RABGAP1: variants seen among roughly 807,000 people sequenced by gnomAD.
RABGAP1 encodes the protein RAB GTPase activating protein 1.
RABGAP1 carries 23 observed loss-of-function variants against 137.6 expected under a neutral mutation model. That is an observed-to-expected ratio of 0.17 (90% CI 0.12 to 0.24). RABGAP1 has a LOEUF of 0.24. Among genes scored for constraint, RABGAP1 ranks in the 10% least tolerant of loss-of-function variants. The probability of loss-of-function intolerance (pLI) is 1.00; values close to 1 mark genes in which losing one functional copy is unlikely to be tolerated. For missense variants in RABGAP1, 906 were observed against 1,275.8 expected (o/e 0.71, Z 4.42); for synonymous variants, 451 against 450.7 (o/e 1.00, Z -0.01).
At chr9:123,061,604 C>T (rs2033975391) in intron 13 of RABGAP1, among the ~76,000 whole-genome samples, 1 of 152,178 alleles carries the variant, frequency 6.6e-6, no homozygotes, top group Non-Finnish European at 1.5e-5. Context: ...AATCCTATTG[C>T]ATTTTTGTTT....
In RABGAP1 at chr9:122,961,277, T is replaced by A. The variant is rs537599354; in HGVS notation, c.150+4068T>A. On this transcript the variant is annotated intron_variant, in intron 2 of 25. Coordinates refer to ENST00000373647, the MANE Select transcript of RABGAP1 (RefSeq NM_012197.4). ...AAAATCTTGAGAGAGCAGCAAGAGA[T>A]AACTGACTCATCAACTTACAAGGGA... Among the ~76,000 whole-genome samples the A allele has an allele frequency of 1.6e-4, 24 of 152,274 alleles. 1 individual carries two copies. The highest frequency in any genetic ancestry group is 6.8e-3 in the Middle Eastern group (2 of 294).
intron 19 of RABGAP1, among the ~76,000 whole-genome samples, chr9:123,087,376 C>T (rs915655152): frequency 3.9e-5 from 6 of 152,138 alleles, no homozygotes; most frequent in African/African-American, 1.4e-4. Context: ...ATGGGAGCCT[C>T]ATAACCACTG....
At chr9:122,961,649 TTTCTC>T (rs1300382423) in intron 2 of RABGAP1, among the ~76,000 whole-genome samples, 2 of 152,208 alleles carry the variant, frequency 1.3e-5, no homozygotes, top group African/African-American at 4.8e-5. Flanking sequence ...ATTTTCTCCT[TTTCTC>T]TTTTGTGTTG....
intron 13 of RABGAP1, among the ~76,000 whole-genome samples, chr9:123,031,613 T>G (rs909861692): frequency 2.0e-5 from 3 of 152,216 alleles, no homozygotes; most frequent in African/African-American, 7.2e-5. Context: ...TTGAGAACTA[T>G]TGTGGAAATA....
chr9:123,076,301 A>G lies in RABGAP1; in HGVS notation c.2295+15A>G. Reference sequence around the variant, plus strand: ...GATTATTAAAGGTACTCATTTATTTATTAGCTGAGTTATCTGTCATTCCCT... The same window carrying G: ...GATTATTAAAGGTACTCATTTATTTGTTAGCTGAGTTATCTGTCATTCCCT... On this transcript the variant is annotated intron_variant, in intron 18 of 25. Transcript: ENST00000373647. The G allele has an allele frequency of 1.2e-6, 2 of 1,601,000 alleles. No individual in the cohort carries two copies. The highest frequency in any genetic ancestry group is 1.7e-6 in the Non-Finnish European group (2 of 1,169,882).
At chr9:123,011,601 GC>G (rs2030815816) in intron 11 of RABGAP1, among the ~76,000 whole-genome samples, 1 of 152,064 alleles carries the variant, frequency 6.6e-6, no homozygotes, top group Non-Finnish European at 1.5e-5. Flanking sequence ...TAATTACTGT[GC>G]TTAATATAAT....
chr9:122,997,978 C>A (rs919013013), intron 9 of RABGAP1, among the ~76,000 whole-genome samples: 2 of 152,050 alleles, frequency 1.3e-5, no homozygotes, highest in African/African-American at 4.8e-5. Flanking sequence ...CCATTGTTAA[C>A]CAAATTTAAA....
At chr9:122,986,951 A>G (rs1438598756) in intron 4 of RABGAP1, among the ~76,000 whole-genome samples, 1 of 152,138 alleles carries the variant, frequency 6.6e-6, no homozygotes, top group African/African-American at 2.4e-5. Context: ...AGCCTGGGCA[A>G]CATGGTGAAA....
chr9:123,015,470 C>T, intron 11 of RABGAP1, 73 bp from the exon 12 acceptor site: 1 of 942,132 alleles, frequency 1.1e-6, no homozygotes, highest in South Asian at 1.6e-5. Context: ...AAATTTGACT[C>T]TTAACATTCC....
chr9:123,075,287 GAACACT>G (rs1209209360), intron 17 of RABGAP1, among the ~76,000 whole-genome samples: 1 of 151,766 alleles, frequency 6.6e-6, no homozygotes, highest in Non-Finnish European at 1.5e-5. Flanking sequence ...CATATGGATG[GAACACT>G]ATATATATTA....
At chr9:123,081,894 C>T (rs924182509) in intron 19 of RABGAP1, among the ~76,000 whole-genome samples, 16 of 152,272 alleles carry the variant, frequency 1.1e-4, no homozygotes, top group Non-Finnish European at 2.1e-4. Context: ...AGTGACAGAC[C>T]ACCCTAGTAG....
intron 13 of RABGAP1, among the ~76,000 whole-genome samples, chr9:123,055,346 C>A (rs1403315821): frequency 6.6e-6 from 1 of 151,938 alleles, no homozygotes; most frequent in African/African-American, 2.4e-5. Context: ...TGCTGCCATG[C>A]CTAGTTAATT....
chr9:123,016,759 A>C (rs2131906305), intron 12 of RABGAP1, among the ~76,000 whole-genome samples: 1 of 152,190 alleles, frequency 6.6e-6, no homozygotes, highest in South Asian at 2.1e-4. Context: ...TTGGGGTTTG[A>C]TTTTTCTCAG....
intron 13 of RABGAP1, among the ~76,000 whole-genome samples, chr9:123,023,516 A>G (rs1056558892): frequency 3.9e-5 from 6 of 152,114 alleles, no homozygotes; most frequent in Non-Finnish European, 8.8e-5. Context: ...ATACAGTCAC[A>G]CAGCACGTGC....
chr9:123,053,424 A>G (rs2033570322), intron 13 of RABGAP1, among the ~76,000 whole-genome samples: 1 of 152,208 alleles, frequency 6.6e-6, no homozygotes, highest in Non-Finnish European at 1.5e-5. Flanking sequence ...TTTCATCCTC[A>G]TTTATTTTAT....
intron 13 of RABGAP1, among the ~76,000 whole-genome samples, chr9:123,030,614 T>C (rs1238392821): frequency 6.6e-6 from 1 of 152,180 alleles, no homozygotes; most frequent in Non-Finnish European, 1.5e-5. Context: ...ACATATAGTA[T>C]ATACTGATCA....
chr9:123,027,403 C>T (rs867484226), intron 13 of RABGAP1, among the ~76,000 whole-genome samples: 1 of 152,158 alleles, frequency 6.6e-6, no homozygotes, highest in East Asian at 1.9e-4. Flanking sequence ...CGTGAGCCAC[C>T]GTGCCCTGCC....
intron 1 of RABGAP1, among the ~76,000 whole-genome samples, chr9:122,946,353 CAG>C (rs1833947695): frequency 6.6e-6 from 1 of 152,130 alleles, no homozygotes; most frequent in African/African-American, 2.4e-5. Context: ...TGAATGTAAA[CAG>C]ATGCATATTC....
At chr9:123,072,310 C>G (rs990203903) in intron 15 of RABGAP1, among the ~76,000 whole-genome samples, 2 of 152,070 alleles carry the variant, frequency 1.3e-5, no homozygotes, top group African/African-American at 4.8e-5. Flanking sequence ...CAGCTTGTTG[C>G]TATTGGTAGT....
Sources: allele counts gnomAD v4.1 joint callset (sites outside exome capture counted in the v4.1 genomes callset), GRCh38; gene constraint gnomAD v4.1.1; transcripts MANE v1.5; gene names NCBI Gene and HGNC (gene_info 2026-07-23, HGNC 2026-07-21).